ST6GAL2: variants seen among roughly 807,000 people sequenced by gnomAD.
ST6GAL2 encodes the protein beta-galactoside alpha-2,6-sialyltransferase 2.
A neutral mutation model predicts 37.5 loss-of-function variants in ST6GAL2; 24 were observed. That is an observed-to-expected ratio of 0.64 (90% CI 0.46 to 0.90). ST6GAL2 has a LOEUF of 0.90. Ranked by LOEUF, ST6GAL2 falls within the 40% of genes least tolerant of loss-of-function variation. The pLI is 0.00. For synonymous variants in ST6GAL2, 306 were observed against 295.1 expected, an observed-to-expected ratio of 1.04 and a Z score of -0.38; for missense variants, 715 against 712.7, an observed-to-expected ratio of 1.00 and a Z score of -0.04.
intron 2 of ST6GAL2, among the ~76,000 whole-genome samples, chr2:106,836,978 A>G (rs1676675520): frequency 6.6e-6 from 1 of 150,900 alleles, no homozygotes. Flanking sequence ...GAAACACCAC[A>G]TTGATTAGTA....
chr2:106,885,277 C>T (rs528573677), intron 1 of ST6GAL2, among the ~76,000 whole-genome samples: 4 of 152,018 alleles, frequency 2.6e-5, no homozygotes, highest in Admixed American at 6.6e-5. Flanking sequence ...GTTTGCCTCT[C>T]GCCAAATTTT....
intron 1 of ST6GAL2, among the ~76,000 whole-genome samples, chr2:106,860,584 G>C (rs1426477807): frequency 6.6e-6 from 1 of 152,122 alleles, no homozygotes; most frequent in Non-Finnish European, 1.5e-5. Flanking sequence ...ACACGGGCAG[G>C]TACATGGCTG....
intron 5 of ST6GAL2, among the ~76,000 whole-genome samples, chr2:106,811,898 T>C (rs10203689): frequency 0.22 from 32,969 of 151,964 alleles, 4,132 homozygotes; most frequent in East Asian, 0.49. Context: ...GGAAGAAGTG[T>C]ACAGGGTAAA....
Position 106,866,227 on chromosome 2 carries a change from C to A in ST6GAL2, c.-58+19866G>T, listed in dbSNP as rs1028345822. On this transcript the variant is annotated intron_variant, in intron 1 of 5. Coordinates refer to ENST00000409382, the MANE Select transcript of ST6GAL2 (RefSeq NM_001142351.2). ...AAGTTTCTAGGGCTGGCTTGCTGGGCATGTGACTGTGCAGTCATGTGGGAC... is the reference window on the plus strand; with the variant it reads ...AAGTTTCTAGGGCTGGCTTGCTGGGAATGTGACTGTGCAGTCATGTGGGAC... Among the ~76,000 whole-genome samples, 10 of 152,304 alleles carry A rather than the reference C, an allele frequency of 6.6e-5. No homozygotes were observed. The East Asian group carries it at 1.9e-3, about 29-fold the overall frequency.
In ST6GAL2 at chr2:106,829,914, GAA is replaced by G. The variant is rs5833213; in HGVS notation, c.1318+150_1318+151del. ...AATATCTGCAAATATTCTGAAATCT[GAA>G]AAAAAAAAATCCAAAATCAGAAATA... is the stretch of plus-strand genomic sequence containing the variant. On this transcript the variant is annotated intron_variant, in intron 5 of 5. Coordinates refer to ENST00000409382, the MANE Select transcript of ST6GAL2 (RefSeq NM_001142351.2). 1.6e-3 allele frequency: 1,034 copies of G among 665,236 alleles called. 1 individual carries two copies. The highest frequency in any genetic ancestry group is 1.8e-3 in the Non-Finnish European group (750 of 408,666). The allele number at this position is 665,236 out of a possible 1,614,324, so 41.2% of individuals were successfully genotyped here. A position where few individuals can be genotyped will look rare whatever the true frequency, so the allele number is the denominator to read the frequency against.
chr2:106,816,582 A>C (rs2104429510), intron 5 of ST6GAL2, among the ~76,000 whole-genome samples: 1 of 152,290 alleles, frequency 6.6e-6, no homozygotes, highest in Non-Finnish European at 1.5e-5. Flanking sequence ...CAAGATTTAA[A>C]AATATTAATT....
chr2:106,823,486 CAG>C lies in ST6GAL2; in HGVS notation c.1318+6578_1318+6579del, dbSNP rs1553417620. Among the ~76,000 whole-genome samples the C allele has an allele frequency of 9.6e-3, 1,131 of 117,594 alleles. 41 individuals are homozygous for C. The highest frequency in any genetic ancestry group is 0.011 in the Non-Finnish European group (624 of 55,976). The allele number at this position is 117,594 out of a possible 152,430, so 77.1% of individuals were successfully genotyped here. A position where few individuals can be genotyped will look rare whatever the true frequency, so the allele number is the denominator to read the frequency against. On this transcript the variant is annotated intron_variant, in intron 5 of 5. Transcript: ENST00000409382. ...ACACACACACACACACACACACACA[CAG>C]AGAGAGAGAGAGAGAGATCGAGAGA...
At chr2:106,854,301 G>A (rs1399417277) in intron 1 of ST6GAL2, among the ~76,000 whole-genome samples, 1 of 152,172 alleles carries the variant, frequency 6.6e-6, no homozygotes, top group Non-Finnish European at 1.5e-5. Context: ...CTTAATTTCG[G>A]ATAAGCCTCA....
chr2:106,843,202 G>A lies in ST6GAL2; in HGVS notation c.776C>T (p.Ala259Val). Residue 259 changes from alanine to valine, a missense_variant, in exon 2 of 6, where the codon GCG becomes GTG. By Grantham distance (64) the Ala-to-Val change is moderately conservative (BLOSUM62 0). This residue lies in a region of ST6GAL2 where 512 missense variants were observed against 488.8 expected (regional missense o/e 1.05). Transcript: ENST00000409382. ...AQLLCQLRSRARVRTLDGTEA... is the reference protein window; with the variant it reads ...AQLLCQLRSRVRVRTLDGTEA... ...GGTGCCGTCCAGCGTCCGCACGCGC[G>A]CGCGGCTCCGCAGCTGGCACAGCAG... 3 of 1,550,344 alleles carry A rather than the reference G, an allele frequency of 1.9e-6. No individual in the cohort carries two copies. Among genetic ancestry groups the A allele is most frequent in the Non-Finnish European group, 2.6e-6 (3 of 1,148,006 alleles).
At position 106,862,645 on chromosome 2, in the gene ST6GAL2, T is replaced by C. The variant is rs563934274; in HGVS notation, c.-57-18611A>G. The stretch of plus-strand genomic sequence containing the variant: ...TGAAGAAAAAAAAAAAGCATTTCTG[T>C]CTTGGTTGCTTAACTCAGAGTAAAA... On this transcript the variant is annotated intron_variant, in intron 1 of 5. Transcript: ENST00000409382. Among the ~76,000 whole-genome samples, 5 of 152,192 alleles carry C rather than the reference T, an allele frequency of 3.3e-5. No individual in the cohort carries two copies. In the South Asian group the frequency reaches 1.0e-3, roughly 32 times the overall value.
intron 1 of ST6GAL2, among the ~76,000 whole-genome samples, chr2:106,861,074 A>T (rs1677778149): frequency 6.6e-6 from 1 of 152,322 alleles, no homozygotes; most frequent in Middle Eastern, 3.4e-3. Context: ...GAAGAGTAGA[A>T]GAGTGAGACC....
chr2:106,852,039 G>GCC (rs1322587100), intron 1 of ST6GAL2, among the ~76,000 whole-genome samples: 1 of 152,118 alleles, frequency 6.6e-6, no homozygotes, highest in Non-Finnish European at 1.5e-5. Context: ...TTACAAATGG[G>GCC]CCCTTCTCTT....
At chr2:106,818,223 A>G (rs1391924101) in intron 5 of ST6GAL2, among the ~76,000 whole-genome samples, 1 of 152,204 alleles carries the variant, frequency 6.6e-6, no homozygotes, top group Non-Finnish European at 1.5e-5. Context: ...TTGAGTGAAC[A>G]TAGGCAGTAG....
At chr2:106,862,624 GA>G (rs200909517) in intron 1 of ST6GAL2, among the ~76,000 whole-genome samples, 15,853 of 146,198 alleles carry the variant, frequency 0.11, 1,001 homozygotes, top group Admixed American at 0.13. Context: ...ATTATGTGAA[GA>G]AAAAAAAAAA....
At chr2:106,865,176 A>G (rs1677971919) in intron 1 of ST6GAL2, among the ~76,000 whole-genome samples, 1 of 152,218 alleles carries the variant, frequency 6.6e-6, no homozygotes, top group Non-Finnish European at 1.5e-5. Context: ...GAAAGTGATG[A>G]GTGTGAAGTA....
At chr2:106,874,302 T>A (rs1422496775) in intron 1 of ST6GAL2, among the ~76,000 whole-genome samples, 1 of 151,710 alleles carries the variant, frequency 6.6e-6, no homozygotes, top group African/African-American at 2.4e-5. Context: ...TTGGTGGAAG[T>A]TAGGGGTTGG....
At chr2:106,844,961 A>C (rs1443848026) in intron 1 of ST6GAL2, among the ~76,000 whole-genome samples, 2 of 152,204 alleles carry the variant, frequency 1.3e-5, no homozygotes, top group African/African-American at 4.8e-5. Flanking sequence ...ATTAATAAGA[A>C]ATGCTCCTAA....
chr2:106,828,698 A>C (rs762419739), intron 5 of ST6GAL2, among the ~76,000 whole-genome samples: 8 of 152,194 alleles, frequency 5.3e-5, no homozygotes, highest in Non-Finnish European at 5.9e-5. Flanking sequence ...AGCCCAAGAA[A>C]GGAAAAGGGG....
intron 1 of ST6GAL2, among the ~76,000 whole-genome samples, chr2:106,866,667 TG>T (rs758684658): frequency 1.3e-5 from 2 of 152,226 alleles, no homozygotes; most frequent in Non-Finnish European, 2.9e-5. Flanking sequence ...GCCCCTATCA[TG>T]TCCTTTCTTA....
Sources: allele counts gnomAD v4.1 joint callset (sites outside exome capture counted in the v4.1 genomes callset), GRCh38; gene constraint gnomAD v4.1.1; regional missense constraint gnomAD v4.1.1; transcripts MANE v1.5; gene names NCBI Gene and HGNC (gene_info 2026-07-23, HGNC 2026-07-21).